The following MAST2 variants were observed in gnomAD, a reference collection of about 807,000 sequenced individuals.
The protein encoded by MAST2 is microtubule-associated serine/threonine-protein kinase 2.
A neutral mutation model predicts 147.4 loss-of-function variants in MAST2; 70 were observed. The observed-to-expected ratio is 0.47, with a 90% CI of 0.39 to 0.58. MAST2 has a LOEUF of 0.58. Among genes scored for constraint, MAST2 ranks in the 20% least tolerant of loss-of-function variants. The pLI, the probability that MAST2 is intolerant of heterozygous loss-of-function variation, is 0.00. For synonymous variants in MAST2, 869 were observed against 896.8 expected (o/e 0.97, Z 0.55); for missense variants, 2,080 against 2,302.3 (o/e 0.90, Z 1.98).
intron 7 of MAST2, among the ~76,000 whole-genome samples, chr1:46,005,431 C>G (rs1376966190): frequency 6.6e-6 from 1 of 151,622 alleles, no homozygotes; most frequent in Non-Finnish European, 1.5e-5. Flanking sequence ...CCCTGACTTG[C>G]CTGTTCTCTT....
chr1:45,833,433 G>GT (rs1458831793), intron 3 of MAST2, among the ~76,000 whole-genome samples: 1 of 152,086 alleles, frequency 6.6e-6, no homozygotes, highest in Non-Finnish European at 1.5e-5. Context: ...AAAATCTGTT[G>GT]TTAACAGTGG....
intron 4 of MAST2, among the ~76,000 whole-genome samples, chr1:45,947,056 T>G (rs1437921260): frequency 2.0e-5 from 3 of 152,138 alleles, no homozygotes; most frequent in Non-Finnish European, 4.4e-5. Flanking sequence ...TCAAGTTAGA[T>G]TAGGCCTTCA....
chr1:46,032,374 C>G lies in MAST2; in HGVS notation c.3384C>G (p.Ser1128=), dbSNP rs757240437. ...CCATTCGCGTCTACATGGGTGACTCCGATGTCTACACCGTGCACCATATGG... is the reference window on the plus strand; with the variant it reads ...CCATTCGCGTCTACATGGGTGACTCGGATGTCTACACCGTGCACCATATGG... The part of the protein sequence containing the change: ...LRAIRVYMGD[S]DVYTVHHMVW... Residue 1128 remains serine, a synonymous_variant, in exon 25 of 29, where the codon TCC becomes TCG. Transcript: ENST00000361297. 9.9e-6 allele frequency: 16 copies of G among 1,614,120 alleles called. No homozygotes were observed.
intron 5 of MAST2, among the ~76,000 whole-genome samples, chr1:45,965,010 T>C (rs2148946855): frequency 6.6e-6 from 1 of 152,372 alleles, no homozygotes; most frequent in Admixed American, 6.5e-5. Flanking sequence ...TTGTTCAGTT[T>C]CCATGTAGTT....
Position 45,950,852 on chromosome 1 carries a change from C to T in MAST2, c.501-8534C>T, listed in dbSNP as rs979188716. On this transcript the variant is annotated intron_variant, in intron 4 of 28. Coordinates refer to ENST00000361297, the MANE Select transcript of MAST2 (RefSeq NM_015112.3). Reference sequence around the variant, plus strand: ...ATCTTAATACTTTGGATGGCTGAGGCGAGTGGACTGCTTGAGCCCAGGAGT... The same window carrying T: ...ATCTTAATACTTTGGATGGCTGAGGTGAGTGGACTGCTTGAGCCCAGGAGT... 2.2e-4 allele frequency among the ~76,000 whole-genome samples: 34 copies of T among 152,206 alleles called. 1 individual carries two copies. The South Asian group carries it at 2.5e-3, about 11-fold the overall frequency.
intron 3 of MAST2, among the ~76,000 whole-genome samples, chr1:45,865,301 G>T (rs894130492): frequency 1.3e-5 from 2 of 152,162 alleles, no homozygotes; most frequent in Admixed American, 1.3e-4. Context: ...TATAATTAGA[G>T]AACTTATCTA....
At chr1:45,830,634 G>C (rs1644927671) in intron 3 of MAST2, among the ~76,000 whole-genome samples, 1 of 152,176 alleles carries the variant, frequency 6.6e-6, no homozygotes, top group African/African-American at 2.4e-5. Flanking sequence ...ATCTGGTACA[G>C]TTGTGCTGCT....
intron 4 of MAST2, among the ~76,000 whole-genome samples, chr1:45,938,686 A>C (rs1202003833): frequency 6.6e-6 from 1 of 152,218 alleles, no homozygotes; most frequent in African/African-American, 2.4e-5. Context: ...ATCATTTCAC[A>C]TTCACAGAGT....
chr1:45,820,893 CTTTTTT>C (rs769508054), intron 1 of MAST2, among the ~76,000 whole-genome samples: 9 of 43,078 alleles, frequency 2.1e-4, no homozygotes, highest in African/African-American at 3.9e-4. Context: ...CTTTCTTTCT[CTTTTTT>C]TTTTTTTTTT....
intron 4 of MAST2, among the ~76,000 whole-genome samples, chr1:45,956,938 C>T (rs1192368168): frequency 1.3e-5 from 2 of 152,262 alleles, no homozygotes; most frequent in South Asian, 2.1e-4. Context: ...GAGAGGAATT[C>T]GTCACAATGT....
rs540800864 is a variant in MAST2, at chr1:46,022,598, C to T, written c.1424-312C>T. ...GCCCCATCCAGTGAAGCAGTCTTGGCCAGCAGGATGGGAACTAGTAACCCA... is the reference window on the plus strand; with the variant it reads ...GCCCCATCCAGTGAAGCAGTCTTGGTCAGCAGGATGGGAACTAGTAACCCA... On this transcript the variant is annotated intron_variant, in intron 12 of 28. Transcript: ENST00000361297. 2.6e-5 allele frequency among the ~76,000 whole-genome samples: 4 copies of T among 152,284 alleles called. No homozygotes were observed. The South Asian group carries it at 8.3e-4, about 32-fold the overall frequency.
At chr1:45,895,720 A>G (rs970133536) in intron 4 of MAST2, among the ~76,000 whole-genome samples, 8 of 152,256 alleles carry the variant, frequency 5.3e-5, no homozygotes, top group African/African-American at 1.7e-4. Context: ...GAAAACATTC[A>G]AAGATGAAAG....
At chr1:46,021,175 A>G (rs1460043331) in intron 11 of MAST2, among the ~76,000 whole-genome samples, 2 of 152,222 alleles carry the variant, frequency 1.3e-5, no homozygotes, top group East Asian at 3.9e-4. Flanking sequence ...TTATATCCAG[A>G]TAGGTACAGT....
intron 5 of MAST2, among the ~76,000 whole-genome samples, chr1:45,995,108 G>A (rs1159738466): frequency 1.3e-5 from 2 of 152,050 alleles, no homozygotes; most frequent in African/African-American, 2.4e-5. Context: ...CCAAAGTGCT[G>A]GGATTACGGG....
intron 4 of MAST2, among the ~76,000 whole-genome samples, chr1:45,942,022 A>G (rs1657372281): frequency 6.6e-6 from 1 of 152,210 alleles, no homozygotes; most frequent in Non-Finnish European, 1.5e-5. Flanking sequence ...AAGGTAAATG[A>G]TGTCTCAATA....
At chr1:45,954,639 T>C (rs769656403) in intron 4 of MAST2, among the ~76,000 whole-genome samples, 16 of 152,168 alleles carry the variant, frequency 1.1e-4, no homozygotes, top group Non-Finnish European at 2.2e-4. Flanking sequence ...TTTATCTTCT[T>C]AGGATCCTGG....
chr1:45,882,927 TTTCTTAAA>T (rs1646913504), intron 4 of MAST2, among the ~76,000 whole-genome samples: 1 of 152,210 alleles, frequency 6.6e-6, no homozygotes, highest in Non-Finnish European at 1.5e-5. Context: ...TGGATTTTAA[TTTCTTAAA>T]TTCTCTTGGA....
intron 5 of MAST2, among the ~76,000 whole-genome samples, chr1:45,965,552 CCTTT>C (rs1263314426): frequency 6.6e-6 from 1 of 152,064 alleles, no homozygotes; most frequent in African/African-American, 2.4e-5. Context: ...GCAACCCCTG[CCTTT>C]CTTTGTTTTC....
At chr1:45,972,445 A>C (rs934233693) in intron 5 of MAST2, among the ~76,000 whole-genome samples, 13 of 152,232 alleles carry the variant, frequency 8.5e-5, no homozygotes, top group Non-Finnish European at 1.6e-4. Context: ...ACAGCTTGCC[A>C]CACAGCTTCC....
Sources: allele counts gnomAD v4.1 joint callset (sites outside exome capture counted in the v4.1 genomes callset), GRCh38; gene constraint gnomAD v4.1.1; transcripts MANE v1.5; gene names NCBI Gene and HGNC (gene_info 2026-07-23, HGNC 2026-07-21).